Variants in RNF2 observed in about 807,000 individuals in gnomAD.
The protein encoded by RNF2 is E3 ubiquitin-protein ligase RING2.
A neutral mutation model predicts 37.2 loss-of-function variants in RNF2; 6 were observed. The observed-to-expected ratio is 0.16, with a 90% confidence interval of 0.09 to 0.32. RNF2 has a LOEUF of 0.32. Ranked by LOEUF, RNF2 falls within the 10% of genes least tolerant of loss-of-function variation. The pLI, the probability that RNF2 is intolerant of heterozygous loss-of-function variation, is 1.00. For missense variants in RNF2, 251 were observed against 404.0 expected, an observed-to-expected ratio of 0.62 and a Z score of 3.25; for synonymous variants, 133 against 132.7, an observed-to-expected ratio of 1.00 and a Z score of -0.02.
chr1:185,080,979 C>A (rs746471425), intron 1 of RNF2, among the ~76,000 whole-genome samples: 10 of 152,110 alleles, frequency 6.6e-5, no homozygotes, highest in Non-Finnish European at 1.3e-4. Context: ...TTAGAAATCC[C>A]TCCAATGGAT....
At chr1:185,076,268 G>GTTTTTTTTTTGTTTTTTTT (rs1651152745) in intron 1 of RNF2, among the ~76,000 whole-genome samples, 1 of 27,334 alleles carries the variant, frequency 3.7e-5, no homozygotes, top group African/African-American at 1.3e-4. Context: ...TTTATGGGTT[G>GTTTTTTTTTTGTTTTTTTT]TTTTTTTTTT....
intron 1 of RNF2, among the ~76,000 whole-genome samples, chr1:185,057,085 A>G (rs930757138): frequency 2.0e-5 from 3 of 152,146 alleles, no homozygotes; most frequent in Non-Finnish European, 4.4e-5. Flanking sequence ...AAGCAGGAGG[A>G]TCACTTGAGA....
intron 1 of RNF2, among the ~76,000 whole-genome samples, chr1:185,064,440 C>T (rs890216873): frequency 6.6e-5 from 10 of 152,116 alleles, no homozygotes; most frequent in African/African-American, 1.4e-4. Flanking sequence ...TACAGTGGTT[C>T]GACTTACGAT....
intron 1 of RNF2, among the ~76,000 whole-genome samples, chr1:185,046,776 C>G (rs1650134802): frequency 6.6e-6 from 1 of 152,082 alleles, no homozygotes; most frequent in African/African-American, 2.4e-5. Flanking sequence ...AACGAATGTA[C>G]GAGCGATTTG....
At chr1:185,094,492 TAAAC>T (rs1452031629) in intron 4 of RNF2, among the ~76,000 whole-genome samples, 3 of 150,978 alleles carry the variant, frequency 2.0e-5, no homozygotes, top group African/African-American at 4.9e-5. Flanking sequence ...AGTCCGTAAA[TAAAC>T]AAATATTTTT....
intron 1 of RNF2, among the ~76,000 whole-genome samples, chr1:185,063,454 AT>A (rs1276156654): frequency 6.6e-6 from 1 of 152,180 alleles, no homozygotes; most frequent in Non-Finnish European, 1.5e-5. Flanking sequence ...CTGTGAGTGC[AT>A]TTAGTTTTCT....
intron 4 of RNF2, among the ~76,000 whole-genome samples, chr1:185,096,996 A>G (rs1014302629): frequency 6.6e-6 from 1 of 151,918 alleles, no homozygotes; most frequent in African/African-American, 2.4e-5. Context: ...TTTCTTATCT[A>G]TACAGGTAGG....
chr1:185,097,288 C>T (rs1354823533), intron 4 of RNF2, among the ~76,000 whole-genome samples: 2 of 152,182 alleles, frequency 1.3e-5, no homozygotes, highest in African/African-American at 4.8e-5. Flanking sequence ...TAGATACCAT[C>T]GCATTTTCCT....
At position 185,045,622 on chromosome 1, in the gene RNF2, G is replaced by C. The variant is rs1385836323; in HGVS notation, c.-30G>C. 3.3e-5 allele frequency: 5 copies of C among 152,336 alleles called. No homozygotes were observed. Among genetic ancestry groups the C allele is most frequent in the Admixed American group, 3.3e-4 (5 of 15,290 alleles). The allele number at this position is 152,336 out of a possible 1,614,324, so 9.4% of individuals were successfully genotyped here. On this transcript the variant is annotated 5_prime_UTR_variant, in exon 1 of 7. Coordinates refer to ENST00000367510, the MANE Select transcript of RNF2 (RefSeq NM_007212.4). ...CAGAGTCTTGCTCCGGCCGCGGCCA[G>C]CGGAGCCCTGGGCTGGGGCAGGAGC...
intron 1 of RNF2, among the ~76,000 whole-genome samples, chr1:185,048,312 T>A (rs1039262917): frequency 6.6e-6 from 1 of 152,214 alleles, no homozygotes; most frequent in Non-Finnish European, 1.5e-5. Context: ...ATGTTCTTAA[T>A]TCTCCTTTGC....
intron 1 of RNF2, among the ~76,000 whole-genome samples, chr1:185,070,665 G>A (rs1445591957): frequency 7.0e-6 from 1 of 142,872 alleles, no homozygotes; most frequent in African/African-American, 2.6e-5. Flanking sequence ...TTGAGACCGA[G>A]TCTTGCTGTG....
At chr1:185,062,819 C>CA (rs1650651775) in intron 1 of RNF2, among the ~76,000 whole-genome samples, 3 of 149,664 alleles carry the variant, frequency 2.0e-5, no homozygotes, top group Admixed American at 1.3e-4. Flanking sequence ...CTCCCCCCCC[C>CA]CAAAAAAAGG....
intron 1 of RNF2, among the ~76,000 whole-genome samples, chr1:185,067,797 G>A (rs912685025): frequency 1.7e-4 from 25 of 143,556 alleles, no homozygotes; most frequent in South Asian, 6.5e-4. Context: ...GGCAACCTCT[G>A]CCTCCCGGGT....
chr1:185,090,883 G>T (rs1222929346), intron 2 of RNF2, among the ~76,000 whole-genome samples: 1 of 152,172 alleles, frequency 6.6e-6, no homozygotes, highest in Non-Finnish European at 1.5e-5. Flanking sequence ...GATGCATTTT[G>T]GAGAGAAACA....
intron 1 of RNF2, among the ~76,000 whole-genome samples, chr1:185,052,658 C>T (rs577263733): frequency 6.6e-6 from 1 of 152,270 alleles, no homozygotes; most frequent in South Asian, 2.1e-4. Context: ...CGCTAAATGC[C>T]ACTAAATGTT....
intron 1 of RNF2, among the ~76,000 whole-genome samples, chr1:185,083,788 G>GC (rs1651499097): frequency 6.6e-6 from 1 of 151,164 alleles, no homozygotes; most frequent in African/African-American, 2.4e-5. Context: ...TGTATTTTTT[G>GC]TAGAGAGGGG....
At position 185,077,625 on chromosome 1, in the gene RNF2, G is replaced by GTTTTTTTTTTTT. The variant is rs528747420; in HGVS notation, c.-2-9925_-2-9914dup. 2.5e-4 allele frequency among the ~76,000 whole-genome samples: 29 copies of GTTTTTTTTTTTT among 115,646 alleles called. 2 individuals carry two copies. The highest frequency in any genetic ancestry group is 4.3e-4 in the Admixed American group (5 of 11,594). The allele number at this position is 115,646 out of a possible 152,430, so 75.9% of individuals were successfully genotyped here. On this transcript the variant is annotated intron_variant, in intron 1 of 6. Transcript: ENST00000367510. ...TTTTTAATTGTTAGGAATTAACTTT[G>GTTTTTTTTTTTT]TTTTTTTTTTTTTGGCTAGAAATTT... is the stretch of plus-strand genomic sequence containing the variant.
chr1:185,101,646 T>C lies in RNF2; in HGVS notation c.*1345T>C, dbSNP rs978721620. 1.3e-5 allele frequency: 2 copies of C among 152,326 alleles called. No individual in the cohort carries two copies. Among genetic ancestry groups the C allele is most frequent in the Non-Finnish European group, 2.9e-5 (2 of 67,980 alleles). The allele number at this position is 152,326 out of a possible 1,614,324, so 9.4% of individuals were successfully genotyped here. ...GAAATTAACCCTAAAGGGTTTTCAA[T>C]AGGGTGTAGACCTCCAGTACCTTTG... On this transcript the variant is annotated 3_prime_UTR_variant, in exon 7 of 7. Transcript: ENST00000367510.
At chr1:185,082,294 T>TG (rs1651439561) in intron 1 of RNF2, among the ~76,000 whole-genome samples, 1 of 150,444 alleles carries the variant, frequency 6.6e-6, no homozygotes, top group Non-Finnish European at 1.5e-5. Context: ...CAACTTCCGC[T>TG]GGCTGGTCAC....
Sources: allele counts gnomAD v4.1 joint callset (sites outside exome capture counted in the v4.1 genomes callset), GRCh38; gene constraint gnomAD v4.1.1; transcripts MANE v1.5; gene names NCBI Gene and HGNC (gene_info 2026-07-23, HGNC 2026-07-21).